The following PITPNB variants were observed in gnomAD, a reference collection of about 807,000 sequenced individuals.
PITPNB encodes phosphatidylinositol transfer protein beta.
PITPNB carries 16 observed loss-of-function variants against 45.9 expected under a neutral mutation model. That is an observed-to-expected ratio of 0.35 (90% CI 0.24 to 0.53). The LOEUF (loss-of-function observed/expected upper bound fraction) is 0.53. Ranked by LOEUF, PITPNB falls within the 20% of genes least tolerant of loss-of-function variation. The pLI, the probability that PITPNB is intolerant of heterozygous loss-of-function variation, is 0.93. For missense variants in PITPNB, 188 were observed against 330.5 expected (o/e 0.57, Z 3.34); for synonymous variants, 112 against 108.9 (o/e 1.03, Z -0.18).
rs186903556 is a variant in PITPNB at position 27,919,050 on chromosome 22, G to A, written c.20+122C>T. ...GAAGGGGCCGGGGGAGGGAGGGGGCGCCCGCAGGGAGGGGCTGACACAGGG... is the reference window on the plus strand; with the variant it reads ...GAAGGGGCCGGGGGAGGGAGGGGGCACCCGCAGGGAGGGGCTGACACAGGG... On this transcript the variant is annotated intron_variant, in intron 1 of 11. Coordinates refer to ENST00000335272, the MANE Select transcript of PITPNB (RefSeq NM_012399.5). 2.5e-3 allele frequency: 3,682 copies of A among 1,480,622 alleles called. 11 individuals carry two copies. The highest frequency in any genetic ancestry group is 3.3e-3 in the Non-Finnish European group (3,521 of 1,063,130). The allele number at this position is 1,480,622 out of a possible 1,614,324, so 91.7% of individuals were successfully genotyped here.
chr22:27,891,385 A>G (rs1265396781), intron 7 of PITPNB, among the ~76,000 whole-genome samples: 1 of 152,220 alleles, frequency 6.6e-6, no homozygotes, highest in Non-Finnish European at 1.5e-5. Flanking sequence ...TTTAGTCCCC[A>G]GACAATGCTT....
chr22:27,861,926 G>T (rs1207969118), intron 8 of PITPNB, among the ~76,000 whole-genome samples: 1 of 152,108 alleles, frequency 6.6e-6, no homozygotes, highest in African/African-American at 2.4e-5. Flanking sequence ...AGACAGTTTT[G>T]AACAAATTGC....
intron 3 of PITPNB, among the ~76,000 whole-genome samples, chr22:27,907,119 T>A (rs1935786167): frequency 6.6e-6 from 1 of 152,238 alleles, no homozygotes; most frequent in Non-Finnish European, 1.5e-5. Flanking sequence ...GGATAATTTA[T>A]GGAGTAAATG....
intron 6 of PITPNB, among the ~76,000 whole-genome samples, chr22:27,894,862 C>T (rs1208641072): frequency 6.6e-6 from 1 of 152,114 alleles, no homozygotes; most frequent in African/African-American, 2.4e-5. Context: ...AGGATGCTGC[C>T]AAATGAATAG....
chr22:27,867,939 T>C (rs1934532826), intron 8 of PITPNB, among the ~76,000 whole-genome samples: 1 of 152,140 alleles, frequency 6.6e-6, no homozygotes, highest in Non-Finnish European at 1.5e-5. Context: ...AATTAGTACA[T>C]ACTATGTGCT....
At chr22:27,910,085 G>C (rs575427990) in intron 3 of PITPNB, among the ~76,000 whole-genome samples, 1 of 152,020 alleles carries the variant, frequency 6.6e-6, no homozygotes, top group African/African-American at 2.4e-5. Flanking sequence ...CAAGTAGCTG[G>C]GACTATAGGC....
At chr22:27,908,500 T>C (rs1935827738) in intron 3 of PITPNB, among the ~76,000 whole-genome samples, 1 of 151,976 alleles carries the variant, frequency 6.6e-6, no homozygotes, top group South Asian at 2.1e-4. Context: ...TTTATTTACT[T>C]ATAGGATAGT....
chr22:27,856,902 A>AG (rs1348901651), intron 10 of PITPNB, among the ~76,000 whole-genome samples: 2 of 152,172 alleles, frequency 1.3e-5, no homozygotes, highest in South Asian at 4.1e-4. Flanking sequence ...AGCGAGGGCC[A>AG]GGGGGGTGCT....
intron 8 of PITPNB, 80 bp from the exon 9 acceptor site, chr22:27,860,321 A>C (rs1391526286): frequency 1.3e-6 from 1 of 749,348 alleles, no homozygotes; most frequent in Non-Finnish European, 2.2e-6. Context: ...GTATAACGAC[A>C]TCATAGACAT....
intron 8 of PITPNB, among the ~76,000 whole-genome samples, chr22:27,872,221 G>A (rs541076662): frequency 1.3e-5 from 2 of 149,684 alleles, no homozygotes; most frequent in African/African-American, 4.9e-5. Context: ...AGCCTCCTGA[G>A]TAGCTGGGAT....
At chr22:27,858,297 C>A in intron 10 of PITPNB, 90 bp downstream of exon 10, 1 of 1,023,884 alleles carries the variant, frequency 9.8e-7, no homozygotes, top group Non-Finnish European at 1.4e-6. Context: ...TAACAACACT[C>A]TTCCTAATTC....
intron 8 of PITPNB, among the ~76,000 whole-genome samples, chr22:27,867,601 T>C (rs748165227): frequency 1.3e-5 from 2 of 152,206 alleles, no homozygotes; most frequent in Non-Finnish European, 2.9e-5. Context: ...AGGACTATGT[T>C]AAATGCTTCA....
chr22:27,858,814 T>C (rs1934241033), intron 9 of PITPNB, among the ~76,000 whole-genome samples: 2 of 152,206 alleles, frequency 1.3e-5, no homozygotes, highest in African/African-American at 4.8e-5. Flanking sequence ...CTGGGCCTGA[T>C]TTATTTTTAC....
At chr22:27,897,748 C>A (rs867793988) in intron 4 of PITPNB, 53 bp downstream of exon 4, 7 of 1,131,262 alleles carry the variant, frequency 6.2e-6, no homozygotes, top group South Asian at 6.1e-5. Flanking sequence ...TACTGGGAAT[C>A]CCTCTCATTC....
chr22:27,878,165 T>C (rs1490181147), intron 7 of PITPNB, among the ~76,000 whole-genome samples: 1 of 152,144 alleles, frequency 6.6e-6, no homozygotes, highest in African/African-American at 2.4e-5. Context: ...TCTAATCACA[T>C]CCTAAAAATA....
At chr22:27,856,639 T>C (rs1471849836) in intron 10 of PITPNB, among the ~76,000 whole-genome samples, 1 of 152,332 alleles carries the variant, frequency 6.6e-6, no homozygotes, top group Middle Eastern at 3.4e-3. Context: ...TTCTTCAGCA[T>C]AAAAATTAAA....
chr22:27,874,296 C>A (rs993129106), intron 7 of PITPNB, among the ~76,000 whole-genome samples: 2 of 152,196 alleles, frequency 1.3e-5, no homozygotes, highest in Non-Finnish European at 2.9e-5. Context: ...CCAACCTCTT[C>A]CTACAGCTGG....
chr22:27,859,245 G>C (rs1601375462), intron 9 of PITPNB, among the ~76,000 whole-genome samples: 1 of 152,114 alleles, frequency 6.6e-6, no homozygotes, highest in South Asian at 2.1e-4. Flanking sequence ...ATTATGATCC[G>C]AGAGGAAGGA....
intron 3 of PITPNB, among the ~76,000 whole-genome samples, chr22:27,902,057 G>C (rs1210782023): frequency 6.6e-6 from 1 of 152,072 alleles, no homozygotes; most frequent in Non-Finnish European, 1.5e-5. Context: ...GATGGAGGCA[G>C]AAAACAGATT....
Sources: allele counts gnomAD v4.1 joint callset (sites outside exome capture counted in the v4.1 genomes callset), GRCh38; gene constraint gnomAD v4.1.1; transcripts MANE v1.5; gene names NCBI Gene and HGNC (gene_info 2026-07-23, HGNC 2026-07-21).